LTBP1: variants seen among roughly 807,000 people sequenced by gnomAD.
The protein encoded by LTBP1 is latent transforming growth factor beta binding protein 1.
Under a neutral mutation model 207.6 loss-of-function variants are expected in LTBP1, and 129 were observed. The observed-to-expected ratio is 0.62, with a 90% CI of 0.54 to 0.72. The LOEUF (loss-of-function observed/expected upper bound fraction) is 0.72, where lower values mean the gene tolerates loss of function less well. LTBP1 is among the 30% of genes least tolerant of loss of function. The pLI is 0.00. For synonymous variants in LTBP1, 963 were observed against 833.7 expected (o/e 1.16, Z -2.67); for missense variants, 2,281 against 2,217.2 (o/e 1.03, Z -0.58).
chr2:33,262,714 C>T lies in LTBP1; in HGVS notation c.2419-8C>T. The stretch of plus-strand genomic sequence containing the variant: ...TTTCTTATTCTCTTTTAAAATACAA[C>T]CATCCAGGAAATACCTTCATTGGAT... On this transcript the variant is annotated splice_polypyrimidine_tract_variant and splice_region_variant and intron_variant, in intron 13 of 33. Coordinates refer to ENST00000404816, the MANE Select transcript of LTBP1 (RefSeq NM_206943.4). 6.8e-7 allele frequency: 1 copy of T among 1,465,202 alleles called. No individual in the cohort carries two copies. Among genetic ancestry groups the T allele is most frequent in the Non-Finnish European group, 9.4e-7 (1 of 1,060,848 alleles). The allele number at this position is 1,465,202 out of a possible 1,614,324, so 90.8% of individuals were successfully genotyped here.
At chr2:33,050,263 G>T (rs1269695763) in intron 3 of LTBP1, among the ~76,000 whole-genome samples, 5 of 151,804 alleles carry the variant, frequency 3.3e-5, no homozygotes, top group East Asian at 3.9e-4. Flanking sequence ...GTTTCTGAGG[G>T]GTTGAGGAAT....
intron 3 of LTBP1, among the ~76,000 whole-genome samples, chr2:33,029,605 A>C (rs1219534797): frequency 1.3e-5 from 2 of 152,226 alleles, no homozygotes; most frequent in African/African-American, 4.8e-5. Flanking sequence ...TTATAACTGC[A>C]AGTGTCTGAA....
At chr2:33,074,901 G>A (rs1288473196) in intron 3 of LTBP1, among the ~76,000 whole-genome samples, 23 of 143,382 alleles carry the variant, frequency 1.6e-4, no homozygotes, top group Admixed American at 7.6e-4. Flanking sequence ...AAAAAAGCAC[G>A]TTAGATGGGC....
At chr2:33,023,375 A>AT (rs1007447042) in intron 3 of LTBP1, among the ~76,000 whole-genome samples, 24 of 151,948 alleles carry the variant, frequency 1.6e-4, no homozygotes, top group Non-Finnish European at 2.8e-4. Context: ...GGAACAGTCT[A>AT]TTTTTTTTCC....
intron 13 of LTBP1, among the ~76,000 whole-genome samples, chr2:33,260,716 C>G (rs935866209): frequency 6.6e-6 from 1 of 152,184 alleles, no homozygotes; most frequent in African/African-American, 2.4e-5. Context: ...CTTAGCATCT[C>G]TAAAGATCAG....
At chr2:33,071,360 A>T (rs552856866) in intron 3 of LTBP1, among the ~76,000 whole-genome samples, 16 of 152,342 alleles carry the variant, frequency 1.1e-4, no homozygotes, top group African/African-American at 3.6e-4. Flanking sequence ...ACGCAATCTC[A>T]GAAGTGATGT....
At chr2:33,301,727 A>G in intron 22 of LTBP1, 83 bp downstream of exon 22, 1 of 1,251,376 alleles carries the variant, frequency 8.0e-7, no homozygotes, top group Non-Finnish European at 1.1e-6. Context: ...TGATCTTTGA[A>G]CCTCATCTCT....
intron 3 of LTBP1, among the ~76,000 whole-genome samples, chr2:33,094,723 G>T (rs192168225): frequency 7.9e-5 from 12 of 152,146 alleles, no homozygotes; most frequent in Non-Finnish European, 1.6e-4. Context: ...TTCCCCAGTT[G>T]CCAGAGATGT....
chr2:33,208,977 C>G (rs922853612), intron 7 of LTBP1, among the ~76,000 whole-genome samples: 4 of 149,662 alleles, frequency 2.7e-5, no homozygotes, highest in South Asian at 2.1e-4. Flanking sequence ...AAGCAATTCT[C>G]CTGCCTCAGC....
intron 5 of LTBP1, among the ~76,000 whole-genome samples, chr2:33,138,537 T>C (rs1469482857): frequency 6.6e-6 from 1 of 152,098 alleles, no homozygotes; most frequent in East Asian, 1.9e-4. Flanking sequence ...GGGCTGCAGG[T>C]TCACCGTTGT....
intron 22 of LTBP1, among the ~76,000 whole-genome samples, chr2:33,306,368 G>A (rs1329773136): frequency 5.3e-5 from 8 of 151,882 alleles, no homozygotes; most frequent in Admixed American, 2.0e-4. Flanking sequence ...TCAGGAGTTC[G>A]AGACCAGCCT....
At chr2:33,358,766 C>T (rs2094894207) in intron 26 of LTBP1, among the ~76,000 whole-genome samples, 1 of 152,140 alleles carries the variant, frequency 6.6e-6, no homozygotes, top group Admixed American at 6.6e-5. Context: ...GTAGTAGTAA[C>T]AGGCTGACAA....
intron 3 of LTBP1, chr2:33,056,414 G>T (rs926292471): frequency 9.1e-7 from 1 of 1,094,608 alleles, no homozygotes; most frequent in South Asian, 2.6e-5. Context: ...CGCCCTGGGC[G>T]ATGGTGACTT....
intron 31 of LTBP1, 81 bp downstream of exon 31, chr2:33,365,584 T>G: frequency 5.1e-6 from 7 of 1,382,688 alleles, no homozygotes; most frequent in Non-Finnish European, 4.0e-6. Context: ...GACATTTCTC[T>G]TCTGTATCTT....
chr2:33,360,277 G>A (rs1191381533), intron 26 of LTBP1, among the ~76,000 whole-genome samples: 1 of 152,134 alleles, frequency 6.6e-6, no homozygotes, highest in African/African-American at 2.4e-5. Context: ...AGTAACAAAT[G>A]GCCCTATGTT....
intron 24 of LTBP1, chr2:33,333,119 A>G (rs946448485): frequency 1.3e-5 from 2 of 152,162 alleles, no homozygotes; most frequent in African/African-American, 4.8e-5. Flanking sequence ...ACAATGATAT[A>G]CTATATTTCA....
At chr2:33,360,232 A>G (rs2094911822) in intron 26 of LTBP1, among the ~76,000 whole-genome samples, 1 of 152,212 alleles carries the variant, frequency 6.6e-6, no homozygotes, top group South Asian at 2.1e-4. Context: ...AGTATTTGGG[A>G]AAATTTTTAT....
Position 33,139,484 on chromosome 2 carries a change from G to T in LTBP1, c.1201+4524G>T, listed in dbSNP as rs548624849. Among the ~76,000 whole-genome samples the T allele has an allele frequency of 7.2e-5, 11 of 152,334 alleles. No homozygotes were observed. The East Asian group carries it at 2.1e-3, about 29-fold the overall frequency. On this transcript the variant is annotated intron_variant, in intron 5 of 33. Coordinates refer to ENST00000404816, the MANE Select transcript of LTBP1 (RefSeq NM_206943.4). ...CCTAAATTAAGGTAGAGAGCTGCTA[G>T]CAGGCGCCCAGAGAAGGGAAATACC...
Position 33,134,736 on chromosome 2 carries a change from T to G in LTBP1, c.1034-57T>G, listed in dbSNP as rs1299714181. 6.2e-7 allele frequency: 1 copy of G among 1,613,984 alleles called. No individual in the cohort carries two copies. The highest frequency in any genetic ancestry group is 1.7e-5 in the Admixed American group (1 of 59,974). On this transcript the variant is annotated intron_variant, in intron 4 of 33. Coordinates refer to ENST00000404816, the MANE Select transcript of LTBP1 (RefSeq NM_206943.4). This position sits in a 1 kb window ranked among gnomAD's most constrained non-coding sequence, Gnocchi z 4.4. ...TTTTTTTAAACCTTCCAAGGCAAGT[T>G]CATGGATACTAAGCTGATGTGTTTG...
Sources: allele counts gnomAD v4.1 joint callset (sites outside exome capture counted in the v4.1 genomes callset), GRCh38; gene constraint gnomAD v4.1.1; non-coding constraint Gnocchi (gnomAD v3.1); transcripts MANE v1.5; gene names NCBI Gene and HGNC (gene_info 2026-07-23, HGNC 2026-07-21).